Variants in SCHIP1 observed in about 807,000 individuals in gnomAD.
The protein encoded by SCHIP1 is schwannomin-interacting protein 1.
SCHIP1 carries 8 observed loss-of-function variants against 29.7 expected under a neutral mutation model. That is an observed-to-expected ratio of 0.27 (90% CI 0.16 to 0.49). The LOEUF is 0.49. SCHIP1 is among the 20% of genes least tolerant of loss of function. The probability of loss-of-function intolerance (pLI) is 0.99; values close to 1 mark genes in which losing one functional copy is unlikely to be tolerated. For synonymous variants in SCHIP1, 76 were observed against 94.9 expected (o/e 0.80, Z 1.16); for missense variants, 193 against 294.6 (o/e 0.66, Z 2.52).
At chr3:159,352,970 TG>T in the SCHIP1 span, among the ~76,000 whole-genome samples, 1 of 152,110 alleles carries the variant, frequency 6.6e-6, no homozygotes, top group Non-Finnish European at 1.5e-5. Context: ...ATGATGCGTT[TG>T]GGGGACAGCA....
the SCHIP1 span, among the ~76,000 whole-genome samples, chr3:159,474,251 T>G: frequency 6.6e-6 from 1 of 150,670 alleles, no homozygotes; most frequent in African/African-American, 2.5e-5. Context: ...TCAGCTTTGC[T>G]TTGTTTTTGA....
chr3:159,773,523 GT>G, the SCHIP1 span, among the ~76,000 whole-genome samples: 15,243 of 148,600 alleles, frequency 0.1, 955 homozygotes, highest in South Asian at 0.21. Flanking sequence ...TTTTTAAATT[GT>G]TTTTTTTTTC....
the SCHIP1 span, among the ~76,000 whole-genome samples, chr3:159,653,159 C>A: frequency 1.3e-5 from 2 of 152,208 alleles, no homozygotes; most frequent in South Asian, 2.1e-4. Context: ...ATTAGTTTAA[C>A]CATTGTGGAA....
chr3:159,834,776 A>G, the SCHIP1 span, among the ~76,000 whole-genome samples: 2 of 152,244 alleles, frequency 1.3e-5, no homozygotes, highest in Non-Finnish European at 2.9e-5. Context: ...GTACAAAATT[A>G]TTATGAAATA....
the SCHIP1 span, among the ~76,000 whole-genome samples, chr3:159,346,282 A>T: frequency 9.6e-5 from 7 of 73,106 alleles, no homozygotes; most frequent in African/African-American, 1.5e-4. Context: ...TTTTTTTCTT[A>T]AAAAAAAAAA....
chr3:159,638,783 C>A, the SCHIP1 span, among the ~76,000 whole-genome samples: 4 of 152,082 alleles, frequency 2.6e-5, no homozygotes, highest in East Asian at 7.7e-4. Flanking sequence ...TACTTATATT[C>A]ATTTATATAT....
chr3:159,309,022 CA>C, the SCHIP1 span: 1 of 151,816 alleles, frequency 6.6e-6, no homozygotes, highest in Non-Finnish European at 1.5e-5. Flanking sequence ...GAGAGGGTGG[CA>C]GGGGGGTGGG....
the SCHIP1 span, among the ~76,000 whole-genome samples, chr3:159,427,619 C>T: frequency 6.6e-6 from 1 of 151,598 alleles, no homozygotes; most frequent in South Asian, 2.1e-4. Flanking sequence ...GCCATACTGC[C>T]CAAGGTAATT....
At chr3:159,305,641 G>A in the SCHIP1 span, among the ~76,000 whole-genome samples, 1 of 152,114 alleles carries the variant, frequency 6.6e-6, no homozygotes, top group Admixed American at 6.6e-5. Flanking sequence ...CCATCTTAAG[G>A]GAGAAAGGAA....
chr3:159,611,396 G>A, the SCHIP1 span, among the ~76,000 whole-genome samples: 1 of 152,054 alleles, frequency 6.6e-6, no homozygotes, highest in African/African-American at 2.4e-5. Context: ...GGATGGAGCT[G>A]GAAACCATCA....
the SCHIP1 span, among the ~76,000 whole-genome samples, chr3:159,551,716 G>A: frequency 6.6e-6 from 1 of 151,940 alleles, no homozygotes. Flanking sequence ...AGTGTTGTTT[G>A]TGCTTTTCTA....
At chr3:159,436,806 G>A in the SCHIP1 span, among the ~76,000 whole-genome samples, 1 of 152,016 alleles carries the variant, frequency 6.6e-6, no homozygotes, top group East Asian at 1.9e-4. Flanking sequence ...AGGTTTTCTT[G>A]CCCTGGATGT....
the SCHIP1 span, chr3:159,763,982 G>C: frequency 1.3e-5 from 2 of 152,258 alleles, no homozygotes; most frequent in South Asian, 2.0e-4. Flanking sequence ...GGGCCGGGGC[G>C]GGGGGTGGTC....
the SCHIP1 span, among the ~76,000 whole-genome samples, chr3:159,649,510 C>T: frequency 5.9e-5 from 9 of 151,904 alleles, no homozygotes; most frequent in Admixed American, 5.9e-4. Context: ...CAAAAGTAGG[C>T]TCACAAAATG....
the SCHIP1 span, among the ~76,000 whole-genome samples, chr3:159,412,988 G>T: frequency 2.6e-5 from 4 of 152,164 alleles, no homozygotes; most frequent in Non-Finnish European, 5.9e-5. Context: ...CCACATGGCT[G>T]GAGAGGCCTC....
the SCHIP1 span, among the ~76,000 whole-genome samples, chr3:159,413,397 C>A: frequency 6.6e-6 from 1 of 152,068 alleles, no homozygotes; most frequent in Non-Finnish European, 1.5e-5. Flanking sequence ...GAAAAATGAA[C>A]TTTTAAAACC....
the SCHIP1 span, among the ~76,000 whole-genome samples, chr3:159,797,534 A>G: frequency 3.3e-5 from 5 of 152,066 alleles, no homozygotes; most frequent in African/African-American, 1.2e-4. Context: ...TGTCACTTAC[A>G]TTTCTCAAAA....
chr3:159,607,245 C>T, the SCHIP1 span, among the ~76,000 whole-genome samples: 747 of 152,266 alleles, frequency 4.9e-3, 6 homozygotes, highest in Non-Finnish European at 7.7e-3. Flanking sequence ...GGATTTACTA[C>T]CATTAGTCAT....
the SCHIP1 span, among the ~76,000 whole-genome samples, chr3:159,502,510 TTAAG>T: frequency 5.3e-5 from 8 of 152,120 alleles, no homozygotes; most frequent in Admixed American, 2.6e-4. Flanking sequence ...TTATACTTCT[TTAAG>T]TAAGTTTTAG....
Sources: gnomAD v4.1 joint callset for allele counts (sites outside exome capture counted in the v4.1 genomes callset) on GRCh38, gnomAD v4.1.1 for gene constraint, MANE v1.5 for transcripts, NCBI Gene and HGNC (gene_info 2026-07-23, HGNC 2026-07-21) for gene names.